Variants in CDH18 observed in about 807,000 individuals in gnomAD.
CDH18 encodes the protein cadherin 18.
A neutral mutation model predicts 67.9 loss-of-function variants in CDH18; 31 were observed. The ratio of observed to expected loss-of-function variants is 0.46; its 90% CI spans 0.34 to 0.62. The LOEUF (loss-of-function observed/expected upper bound fraction) is 0.62, where lower values mean the gene tolerates loss of function less well. CDH18 is among the 20% of genes least tolerant of loss of function. The pLI is 0.01. For missense variants in CDH18, 890 were observed against 975.5 expected (o/e 0.91, Z 1.17); for synonymous variants, 362 against 347.2 (o/e 1.04, Z -0.48).
chr5:20,001,293 G>A lies in CDH18; in HGVS notation c.-517-9279C>T, dbSNP rs377609919. Among the ~76,000 whole-genome samples the A allele has an allele frequency of 3.5e-4, 54 of 152,236 alleles. No homozygotes were observed. In the South Asian group the frequency reaches 0.011, roughly 31 times the overall value. On this transcript the variant is annotated intron_variant, in intron 2 of 14. Transcript: ENST00000507958. ...GAGAAAATTAAAGACTGTATTGAAA[G>A]CAAGCAGTTGAAATGTGAATTCTAG... is the stretch of plus-strand genomic sequence containing the variant.
At chr5:20,076,951 T>C (rs1053745954) in intron 2 of CDH18, among the ~76,000 whole-genome samples, 7 of 152,212 alleles carry the variant, frequency 4.6e-5, no homozygotes, top group African/African-American at 1.7e-4. Flanking sequence ...GACTTATGCA[T>C]CATTGTAAAA....
intron 2 of CDH18, among the ~76,000 whole-genome samples, chr5:19,949,995 G>A (rs1795636834): frequency 6.6e-6 from 1 of 150,550 alleles, no homozygotes. Context: ...ATATTAAATA[G>A]ACACATACAT....
At chr5:20,547,238 G>A (rs1461662477) in intron 1 of CDH18, among the ~76,000 whole-genome samples, 1 of 152,072 alleles carries the variant, frequency 6.6e-6, no homozygotes, top group East Asian at 1.9e-4. Context: ...AGGCTAGAAT[G>A]TTGAAAATAA....
At chr5:20,104,035 A>T (rs1309630371) in intron 2 of CDH18, among the ~76,000 whole-genome samples, 2 of 150,986 alleles carry the variant, frequency 1.3e-5, no homozygotes, top group African/African-American at 4.8e-5. Context: ...ATCATTATGA[A>T]TATGACTATA....
At chr5:20,320,241 C>A (rs1379722377) in intron 1 of CDH18, among the ~76,000 whole-genome samples, 1 of 152,046 alleles carries the variant, frequency 6.6e-6, no homozygotes, top group African/African-American at 2.4e-5. Context: ...TCAAGAGCTA[C>A]AAAGACTTTA....
chr5:20,398,415 C>T (rs1399289376), intron 1 of CDH18, among the ~76,000 whole-genome samples: 1 of 152,026 alleles, frequency 6.6e-6, no homozygotes, highest in African/African-American at 2.4e-5. Flanking sequence ...ATAAAATGGT[C>T]ACATTCATTG....
At chr5:19,952,922 T>C (rs1795938920) in intron 2 of CDH18, among the ~76,000 whole-genome samples, 1 of 152,168 alleles carries the variant, frequency 6.6e-6, no homozygotes, top group South Asian at 2.1e-4. Context: ...AACTTTACCA[T>C]CTGAATTCAG....
At chr5:19,976,143 G>C (rs543615462) in intron 2 of CDH18, among the ~76,000 whole-genome samples, 1 of 152,216 alleles carries the variant, frequency 6.6e-6, no homozygotes, top group Admixed American at 6.6e-5. Context: ...TATTACCTGA[G>C]TGAGTGTTAA....
At chr5:19,882,184 G>A (rs1413383854) in intron 2 of CDH18, among the ~76,000 whole-genome samples, 2 of 152,012 alleles carry the variant, frequency 1.3e-5, no homozygotes, top group African/African-American at 4.8e-5. Flanking sequence ...GAAGAAAATT[G>A]CCAACTCAAA....
chr5:20,161,280 T>C (rs904184244), intron 2 of CDH18, among the ~76,000 whole-genome samples: 3 of 152,230 alleles, frequency 2.0e-5, no homozygotes, highest in African/African-American at 7.2e-5. Flanking sequence ...GTGTCTCACA[T>C]GACACTGGCT....
intron 2 of CDH18, among the ~76,000 whole-genome samples, chr5:20,250,589 CTTTTTTTTTTTT>C (rs70954644): frequency 6.0e-5 from 2 of 33,548 alleles, no homozygotes; most frequent in African/African-American, 1.5e-4. Flanking sequence ...CGGCCCATGG[CTTTTTTTTTTTT>C]TTTTTTTTTT....
At chr5:20,054,907 T>C (rs1274651426) in intron 2 of CDH18, among the ~76,000 whole-genome samples, 2 of 150,642 alleles carry the variant, frequency 1.3e-5, no homozygotes, top group African/African-American at 4.8e-5. Flanking sequence ...AATGTGACTA[T>C]CTAAGACTGA....
intron 3 of CDH18, among the ~76,000 whole-genome samples, chr5:19,765,739 T>C (rs954341152): frequency 1.3e-5 from 2 of 152,102 alleles, no homozygotes; most frequent in African/African-American, 4.8e-5. Flanking sequence ...AGTTTTCCTG[T>C]GCTAGAGAAT....
At chr5:19,552,967 G>T (rs1363039159) in intron 8 of CDH18, among the ~76,000 whole-genome samples, 1 of 152,052 alleles carries the variant, frequency 6.6e-6, no homozygotes, top group Non-Finnish European at 1.5e-5. Context: ...AAAGTAAAAA[G>T]AAAATGCATT....
chr5:19,643,494 C>T (rs2150233951), intron 5 of CDH18, among the ~76,000 whole-genome samples: 1 of 152,210 alleles, frequency 6.6e-6, no homozygotes, highest in Non-Finnish European at 1.5e-5. Context: ...GTGTTATTCA[C>T]CCTTTAAAAG....
At chr5:20,136,400 A>G (rs1749717835) in intron 2 of CDH18, among the ~76,000 whole-genome samples, 1 of 152,182 alleles carries the variant, frequency 6.6e-6, no homozygotes, top group Non-Finnish European at 1.5e-5. Context: ...ATCAGAGACT[A>G]GGAATGCAAA....
chr5:20,025,164 G>C (rs1174056142), intron 2 of CDH18, among the ~76,000 whole-genome samples: 1 of 151,978 alleles, frequency 6.6e-6, no homozygotes, highest in African/African-American at 2.4e-5. Context: ...TTCATGCTTT[G>C]AGGCAGTAGC....
chr5:20,005,246 A>G (rs1736791613), intron 2 of CDH18, among the ~76,000 whole-genome samples: 1 of 152,152 alleles, frequency 6.6e-6, no homozygotes, highest in Non-Finnish European at 1.5e-5. Flanking sequence ...GGCACTGAAT[A>G]CTAGAAGACA....
At chr5:19,961,932 C>G (rs1465134278) in intron 2 of CDH18, among the ~76,000 whole-genome samples, 1 of 151,820 alleles carries the variant, frequency 6.6e-6, no homozygotes, top group Admixed American at 6.6e-5. Context: ...TTAAACCAAA[C>G]AATTTTTTCT....
Sources: allele counts gnomAD v4.1 joint callset (sites outside exome capture counted in the v4.1 genomes callset), GRCh38; gene constraint gnomAD v4.1.1; transcripts MANE v1.5; gene names NCBI Gene and HGNC (gene_info 2026-07-23, HGNC 2026-07-21).